Variants in SZRD1 observed in about 807,000 individuals in gnomAD.
SZRD1 encodes the protein SUZ RNA-binding domain-containing.
Under a neutral mutation model 17.6 loss-of-function variants are expected in SZRD1, and 7 were observed. The observed-to-expected ratio is 0.40, with a 90% CI of 0.23 to 0.75. The LOEUF is 0.75. Among genes scored for constraint, SZRD1 ranks in the 30% least tolerant of loss-of-function variants. The pLI is 0.38. For missense variants in SZRD1, 178 were observed against 201.8 expected (o/e 0.88, Z 0.71); for synonymous variants, 77 against 77.9 (o/e 0.99, Z 0.06).
intron 1 of SZRD1, among the ~76,000 whole-genome samples, chr1:16,377,599 C>G (rs1389389736): frequency 6.7e-6 from 1 of 149,168 alleles, no homozygotes; most frequent in African/African-American, 2.5e-5. Context: ...AGGATAGGTT[C>G]TCTCTGCCAG....
intron 1 of SZRD1, among the ~76,000 whole-genome samples, chr1:16,389,267 G>A (rs1276548822): frequency 8.7e-6 from 1 of 115,380 alleles, no homozygotes; most frequent in Non-Finnish European, 1.9e-5. Context: ...GTATTTTTTT[G>A]AGGGGGGGTG....
intron 1 of SZRD1, among the ~76,000 whole-genome samples, chr1:16,382,816 AG>A (rs1209654022): frequency 6.6e-6 from 1 of 151,848 alleles, no homozygotes; most frequent in African/African-American, 2.4e-5. Flanking sequence ...TTCTAAGGTT[AG>A]ACTCTAAAGC....
At chr1:16,369,213 T>G (rs2082870750) in intron 1 of SZRD1, 1 of 507,502 alleles carries the variant, frequency 2.0e-6, no homozygotes, top group Non-Finnish European at 3.5e-6. Flanking sequence ...TGTAGCTATC[T>G]TTGCTGTTAG....
In SZRD1 at chr1:16,395,878, C is replaced by A. The variant is rs530777672; in HGVS notation, c.*738C>A. The A allele has an allele frequency of 6.5e-6, 1 of 152,812 alleles. No homozygotes were observed. Among genetic ancestry groups the A allele is most frequent in the Non-Finnish European group, 1.5e-5 (1 of 68,180 alleles). The allele number at this position is 152,812 out of a possible 1,614,324, so 9.5% of individuals were successfully genotyped here. A position where few individuals can be genotyped will look rare whatever the true frequency, so the allele number is the denominator to read the frequency against. On this transcript the variant is annotated 3_prime_UTR_variant, in exon 4 of 4. Coordinates refer to ENST00000401088, the MANE Select transcript of SZRD1 (RefSeq NM_001114600.3). Reference sequence around the variant, plus strand: ...CACCCCATGCCTATACCTCCCTCCCCGAGCTAAGTCCCAGGGCATCTGGGC... The same window carrying A: ...CACCCCATGCCTATACCTCCCTCCCAGAGCTAAGTCCCAGGGCATCTGGGC...
intron 1 of SZRD1, 58 bp downstream of exon 1, chr1:16,367,366 C>T: frequency 1.4e-6 from 2 of 1,480,418 alleles, no homozygotes; most frequent in Non-Finnish European, 1.8e-6. Context: ...TGAGGGGAGC[C>T]TCCGGGGAGC....
chr1:16,384,510 T>C (rs1434359425), intron 1 of SZRD1, among the ~76,000 whole-genome samples: 1 of 152,184 alleles, frequency 6.6e-6, no homozygotes, highest in East Asian at 1.9e-4. Context: ...CAAGTGAAAT[T>C]GGGAATTCTG....
In SZRD1 at chr1:16,395,297, G is replaced by A. The variant is rs1457332912; in HGVS notation, c.*157G>A. ...CCCTTGCTCCGCCCACTGTGACCTT[G>A]AACCCCATGCACTGTGACCTCCCCC... On this transcript the variant is annotated 3_prime_UTR_variant, in exon 4 of 4. Coordinates refer to ENST00000401088, the MANE Select transcript of SZRD1 (RefSeq NM_001114600.3). 4 of 687,212 alleles carry A rather than the reference G, an allele frequency of 5.8e-6. No individual in the cohort carries two copies. Among genetic ancestry groups the A allele is most frequent in the Non-Finnish European group, 1.1e-5 (4 of 368,022 alleles). The allele number at this position is 687,212 out of a possible 1,614,324, so 42.6% of individuals were successfully genotyped here.
intron 1 of SZRD1, chr1:16,368,149 C>T (rs1020932813): frequency 1.3e-5 from 2 of 152,180 alleles, no homozygotes; most frequent in East Asian, 1.9e-4. Flanking sequence ...TGTCAATTCT[C>T]TTAGATTTGT....
intron 1 of SZRD1, among the ~76,000 whole-genome samples, chr1:16,369,884 C>G (rs751203245): frequency 1.4e-3 from 164 of 120,304 alleles, no homozygotes; most frequent in Middle Eastern, 4.4e-3. Flanking sequence ...AGTGAAACTC[C>G]ATCAAAAAAA....
chr1:16,387,325 G>C (rs2085142670), intron 1 of SZRD1: 1 of 456,406 alleles, frequency 2.2e-6, no homozygotes. Context: ...GAAGCAGTTT[G>C]CTTTCCTCAG....
At chr1:16,389,648 C>T (rs564098584) in intron 1 of SZRD1, among the ~76,000 whole-genome samples, 7 of 144,710 alleles carry the variant, frequency 4.8e-5, no homozygotes, top group Non-Finnish European at 7.6e-5. Context: ...GGTTTCACCG[C>T]GTTAGCCAGG....
chr1:16,377,562 CAAA>C (rs34066824), intron 1 of SZRD1, among the ~76,000 whole-genome samples: 4 of 62,050 alleles, frequency 6.4e-5, no homozygotes, highest in Non-Finnish European at 9.4e-5. Flanking sequence ...GACTCTGTCT[CAAA>C]AAAAAAAAAA....
chr1:16,382,109 G>T (rs2083114222), intron 1 of SZRD1, among the ~76,000 whole-genome samples: 1 of 152,254 alleles, frequency 6.6e-6, no homozygotes, highest in African/African-American at 2.4e-5. Context: ...GCCAGATTTA[G>T]TAGAGACCCG....
At chr1:16,376,821 A>AAC (rs1009368885) in intron 1 of SZRD1, among the ~76,000 whole-genome samples, 1 of 151,556 alleles carries the variant, frequency 6.6e-6, no homozygotes, top group Non-Finnish European at 1.5e-5. Context: ...AAAAAAAAAA[A>AAC]AAACGTTGCT....
At chr1:16,380,631 G>T (rs1356768191) in intron 1 of SZRD1, among the ~76,000 whole-genome samples, 2 of 152,112 alleles carry the variant, frequency 1.3e-5, no homozygotes, top group Non-Finnish European at 1.5e-5. Context: ...ATCACGCCTG[G>T]CTAATTTTGT....
At chr1:16,375,403 C>T (rs1302248863) in intron 1 of SZRD1, among the ~76,000 whole-genome samples, 1 of 152,048 alleles carries the variant, frequency 6.6e-6, no homozygotes, top group Non-Finnish European at 1.5e-5. Flanking sequence ...GAACCTCTGC[C>T]TTCCGGGTTC....
intron 1 of SZRD1, chr1:16,387,235 G>A (rs1400106707): frequency 6.6e-6 from 3 of 452,206 alleles, no homozygotes; most frequent in African/African-American, 2.0e-5. Context: ...ATGTCCTCTT[G>A]AAGCGCTTTT....
chr1:16,391,083 G>A lies in SZRD1; in HGVS notation c.52-292G>A, dbSNP rs1177679934. On this transcript the variant is annotated intron_variant, in intron 1 of 3. Coordinates refer to ENST00000401088, the MANE Select transcript of SZRD1 (RefSeq NM_001114600.3). This position sits in a 1 kb window ranked among gnomAD's most constrained non-coding sequence, Gnocchi z 4.3. ...TTAGGTTTAGAAGTTGATATGAGTG[G>A]CTCTGTGAAAGACAGATTACAGGTC... Among the ~76,000 whole-genome samples, 2 of 152,108 alleles carry A rather than the reference G, an allele frequency of 1.3e-5. No individual in the cohort carries two copies. The highest frequency in any genetic ancestry group is 2.9e-5 in the Non-Finnish European group (2 of 68,030).
chr1:16,386,670 C>T (rs1356541294), intron 1 of SZRD1, among the ~76,000 whole-genome samples: 1 of 152,102 alleles, frequency 6.6e-6, no homozygotes, highest in African/African-American at 2.4e-5. Context: ...AGCATGCTGG[C>T]GTCCAGCTGG....
Sources: gnomAD v4.1 joint callset for allele counts (sites outside exome capture counted in the v4.1 genomes callset) on GRCh38, gnomAD v4.1.1 for gene constraint, Gnocchi (gnomAD v3.1) non-coding constraint, MANE v1.5 for transcripts, NCBI Gene and HGNC (gene_info 2026-07-23, HGNC 2026-07-21) for gene names.